Variants in DOCK8 observed in about 807,000 individuals in gnomAD.
DOCK8 encodes dedicator of cytokinesis protein 8.
In DOCK8, 141 loss-of-function variants were observed where a neutral mutation model predicts 245.6. The observed-to-expected ratio is 0.57, with a 90% CI of 0.50 to 0.66. The LOEUF is 0.66. Ranked by LOEUF, DOCK8 falls within the 30% of genes least tolerant of loss-of-function variation. The pLI is 0.00. For missense variants in DOCK8, 2,965 were observed against 2,603.4 expected (o/e 1.14, Z -3.02); for synonymous variants, 1,168 against 970.2 (o/e 1.20, Z -3.79).
chr9:365,056 C>T (rs1260671142), intron 14 of DOCK8, among the ~76,000 whole-genome samples: 1 of 152,168 alleles, frequency 6.6e-6, no homozygotes, highest in Non-Finnish European at 1.5e-5. Flanking sequence ...AAAAGGCCAG[C>T]ATGGGAGAAT....
At chr9:266,066 T>C (rs1216964134) in intron 1 of DOCK8, among the ~76,000 whole-genome samples, 3 of 152,330 alleles carry the variant, frequency 2.0e-5, no homozygotes, top group African/African-American at 7.2e-5. Context: ...CTACATATCA[T>C]GAAATGGTTA....
At chr9:332,679 G>T (rs1381006221) in intron 10 of DOCK8, among the ~76,000 whole-genome samples, 2 of 106,802 alleles carry the variant, frequency 1.9e-5, no homozygotes, top group Non-Finnish European at 3.6e-5. Context: ...TTTTTTTGAG[G>T]CAGTGTCTTA....
chr9:364,684 G>C (rs1043646434), intron 14 of DOCK8, among the ~76,000 whole-genome samples: 2 of 151,232 alleles, frequency 1.3e-5, no homozygotes, highest in South Asian at 4.2e-4. Context: ...AAGGGAAAAG[G>C]CTAAATGGAA....
intron 24 of DOCK8, among the ~76,000 whole-genome samples, chr9:394,497 C>G (rs541542269): frequency 6.6e-6 from 1 of 152,218 alleles, no homozygotes; most frequent in Non-Finnish European, 1.5e-5. Flanking sequence ...ACAACCTGGG[C>G]AATTTAACAC....
intron 1 of DOCK8, among the ~76,000 whole-genome samples, chr9:268,699 C>T (rs2048089879): frequency 6.6e-6 from 1 of 152,208 alleles, no homozygotes; most frequent in South Asian, 2.1e-4. Context: ...CAGGAGAAGT[C>T]AGTCTTATCT....
At chr9:257,411 G>T (rs1205047147) in intron 1 of DOCK8, among the ~76,000 whole-genome samples, 1 of 152,198 alleles carries the variant, frequency 6.6e-6, no homozygotes, top group Non-Finnish European at 1.5e-5. Context: ...AAGGCTGGCA[G>T]GTAGAGCTGG....
At chr9:440,193 T>C (rs1168260181) in intron 40 of DOCK8, among the ~76,000 whole-genome samples, 1 of 152,120 alleles carries the variant, frequency 6.6e-6, no homozygotes, top group Admixed American at 6.5e-5. Context: ...CAATTTTTTG[T>C]ATTTTTAGAG....
At chr9:393,243 T>C (rs2054287419) in intron 24 of DOCK8, among the ~76,000 whole-genome samples, 1 of 152,186 alleles carries the variant, frequency 6.6e-6, no homozygotes, top group Non-Finnish European at 1.5e-5. Flanking sequence ...TAGAGCTCTC[T>C]TTCCAAAGGA....
intron 7 of DOCK8, among the ~76,000 whole-genome samples, chr9:317,718 A>G (rs952038659): frequency 3.3e-5 from 5 of 152,214 alleles, no homozygotes; most frequent in African/African-American, 1.2e-4. Flanking sequence ...GGGGGCACTC[A>G]CTGCTAGCAA....
At chr9:319,882 C>G (rs1365528390) in intron 7 of DOCK8, among the ~76,000 whole-genome samples, 1 of 152,154 alleles carries the variant, frequency 6.6e-6, no homozygotes, top group Non-Finnish European at 1.5e-5. Context: ...AAAGTAATCT[C>G]AGCTCTTAGG....
At chr9:459,380 T>A (rs563781926) in intron 46 of DOCK8, among the ~76,000 whole-genome samples, 1 of 152,372 alleles carries the variant, frequency 6.6e-6, no homozygotes, top group Non-Finnish European at 1.5e-5. Flanking sequence ...AAAGTAATAT[T>A]ACTACATAAA....
chr9:328,261 T>C (rs1042317581), intron 9 of DOCK8, 90 bp downstream of exon 9: 1 of 1,442,308 alleles, frequency 6.9e-7, no homozygotes, highest in Non-Finnish European at 9.5e-7. Flanking sequence ...AATCTCAGAA[T>C]GTGTCCACAT....
At chr9:301,032 C>T (rs971600395) in intron 4 of DOCK8, among the ~76,000 whole-genome samples, 2 of 152,158 alleles carry the variant, frequency 1.3e-5, no homozygotes, top group African/African-American at 4.8e-5. Context: ...CTGGGAGAGA[C>T]ACAGCAGAAA....
At chr9:368,444 A>C (rs938334961) in intron 15 of DOCK8, 1 of 615,152 alleles carries the variant, frequency 1.6e-6, no homozygotes, top group Non-Finnish European at 2.9e-6. Context: ...TACAAAGTAA[A>C]GAGATGGCTC....
At chr9:228,656 T>C (rs2047039210) in intron 1 of DOCK8, among the ~76,000 whole-genome samples, 1 of 152,198 alleles carries the variant, frequency 6.6e-6, no homozygotes, top group Non-Finnish European at 1.5e-5. Context: ...TAAATTTCTT[T>C]TGTTTTACGC....
At chr9:261,996 G>GAAA (rs2047927692) in intron 1 of DOCK8, among the ~76,000 whole-genome samples, 1 of 47,858 alleles carries the variant, frequency 2.1e-5, no homozygotes, top group African/African-American at 8.5e-5. Context: ...AAAGAAAGAA[G>GAAA]GAGAAAGAAA....
intron 44 of DOCK8, among the ~76,000 whole-genome samples, chr9:449,350 C>CAAATAAAT (rs147000879): frequency 6.6e-6 from 1 of 150,964 alleles, no homozygotes; most frequent in South Asian, 2.1e-4. Flanking sequence ...AACTCCATCT[C>CAAATAAAT]AAATAAATAA....
rs2046910201 is a variant in DOCK8 at position 222,658 on chromosome 9, T to C, written c.53+7629T>C. 1.3e-5 allele frequency among the ~76,000 whole-genome samples: 2 copies of C among 152,236 alleles called. 1 individual carries two copies. The highest frequency in any genetic ancestry group is 4.8e-5 in the African/African-American group (2 of 41,466). ...TGAAGTCATTCTTTAGGGATTAAAATAGTCATGCATTTCTCCTTTTTTCTT... is the reference window on the plus strand; with the variant it reads ...TGAAGTCATTCTTTAGGGATTAAAACAGTCATGCATTTCTCCTTTTTTCTT... On this transcript the variant is annotated intron_variant, in intron 1 of 47. Coordinates refer to ENST00000432829, the MANE Select transcript of DOCK8 (RefSeq NM_203447.4).
intron 10 of DOCK8, among the ~76,000 whole-genome samples, chr9:333,416 A>G (rs57410286): frequency 0.064 from 9,719 of 152,166 alleles, 707 homozygotes; most frequent in African/African-American, 0.18. Context: ...CCTGGCCAAC[A>G]CGGTGAAACC....
Sources: allele counts gnomAD v4.1 joint callset (sites outside exome capture counted in the v4.1 genomes callset), GRCh38; gene constraint gnomAD v4.1.1; transcripts MANE v1.5; gene names NCBI Gene and HGNC (gene_info 2026-07-23, HGNC 2026-07-21).